The following NRCAM variants were observed in gnomAD, a reference collection of about 807,000 sequenced individuals.
The protein encoded by NRCAM is NgCAM-related cell adhesion molecule.
A neutral mutation model predicts 156.5 loss-of-function variants in NRCAM; 83 were observed. The ratio of observed to expected loss-of-function variants is 0.53; its 90% CI spans 0.44 to 0.64. NRCAM has a LOEUF of 0.64. NRCAM is among the 30% of genes least tolerant of loss of function. NRCAM has a pLI of 0.00. For synonymous variants in NRCAM, 538 were observed against 563.9 expected, an observed-to-expected ratio of 0.95 and a Z score of 0.65; for missense variants, 1,417 against 1,597.3, an observed-to-expected ratio of 0.89 and a Z score of 1.92.
intron 2 of NRCAM, among the ~76,000 whole-genome samples, chr7:108,357,836 C>T (rs562708643): frequency 3.9e-5 from 6 of 152,078 alleles, no homozygotes; most frequent in Non-Finnish European, 8.8e-5. Context: ...TTGGGTTTTC[C>T]CCTCCATCTG....
intron 2 of NRCAM, among the ~76,000 whole-genome samples, chr7:108,358,885 G>A (rs952046376): frequency 1.3e-5 from 2 of 152,206 alleles, no homozygotes; most frequent in African/African-American, 2.4e-5. Context: ...AAGGGCTGTA[G>A]CAGGGGAAAT....
chr7:108,291,538 A>G (rs2098289868), intron 3 of NRCAM, among the ~76,000 whole-genome samples: 1 of 152,192 alleles, frequency 6.6e-6, no homozygotes, highest in Admixed American at 6.5e-5. Context: ...AGGACTGGCT[A>G]ACGATAGTTA....
At chr7:108,209,398 A>C in intron 12 of NRCAM, 23 bp downstream of exon 12, 1 of 1,509,508 alleles carries the variant, frequency 6.6e-7, no homozygotes, top group Non-Finnish European at 8.9e-7. Context: ...GAAGGCAAGA[A>C]GAATGGATTT....
intron 3 of NRCAM, among the ~76,000 whole-genome samples, chr7:108,296,965 T>C (rs999186965): frequency 6.6e-6 from 1 of 152,198 alleles, no homozygotes; most frequent in African/African-American, 2.4e-5. Context: ...AAGAGGGTAC[T>C]AGGCAAAAAA....
At chr7:108,304,836 C>G (rs1040300271) in intron 3 of NRCAM, among the ~76,000 whole-genome samples, 1 of 152,028 alleles carries the variant, frequency 6.6e-6, no homozygotes, top group African/African-American at 2.4e-5. Context: ...CTTTCCATAC[C>G]CTAGATATTG....
chr7:108,309,897 T>A (rs1267991889), intron 3 of NRCAM, among the ~76,000 whole-genome samples: 1 of 152,164 alleles, frequency 6.6e-6, no homozygotes, highest in Non-Finnish European at 1.5e-5. Context: ...ATTAAAATTG[T>A]ATAACTATTA....
chr7:108,203,528 CCTT>C (rs1423938136), intron 13 of NRCAM, among the ~76,000 whole-genome samples: 2 of 151,908 alleles, frequency 1.3e-5, no homozygotes, highest in Non-Finnish European at 2.9e-5. Context: ...CTAAAAGAAC[CCTT>C]CTTACCATTC....
Position 108,189,708 on chromosome 7 carries a change from G to T in NRCAM, c.1972C>A (p.Gln658Lys). 1.3e-6 allele frequency: 2 copies of T among 1,553,632 alleles called. No individual in the cohort carries two copies. The highest frequency in any genetic ancestry group is 1.8e-6 in the Non-Finnish European group (2 of 1,127,016). ...NPPFDLELTD[Q>K]LDKSVQLSWT... ...GACAGCTGAACACTTTTGTCAAGTT[G>T]ATCTGTCAGTTCTAAGTCAAAGGGA... The change falls in exon 20 of 33, where the codon CAA becomes AAA. Residue 658 changes from glutamine (Q) to lysine (K), a missense_variant. Physicochemically the swap from Gln to Lys is moderately conservative, Grantham distance 53. This residue lies in a region of NRCAM where 1,238 missense variants were observed against 1,336.4 expected (regional missense o/e 0.93). Transcript: ENST00000379028.
At chr7:108,180,026 C>T (rs1369906824) in intron 25 of NRCAM, among the ~76,000 whole-genome samples, 197 bp downstream of exon 25, 1 of 152,184 alleles carries the variant, frequency 6.6e-6, no homozygotes, top group African/African-American at 2.4e-5. Flanking sequence ...ATTTTGGGTT[C>T]TGAAGCCTTC....
Position 108,414,081 on chromosome 7 carries a change from A to G in NRCAM, c.-331-14488T>C, listed in dbSNP as rs1220572970. On this transcript the variant is annotated intron_variant, in intron 1 of 32. Coordinates refer to ENST00000379028, the MANE Select transcript of NRCAM (RefSeq NM_001037132.4). Reference sequence around the variant, plus strand: ...GTGGGGTATAGGATCTGGCTTTCCCAGAGGCTGATCAGAGGGTCATGGTAA... The same window carrying G: ...GTGGGGTATAGGATCTGGCTTTCCCGGAGGCTGATCAGAGGGTCATGGTAA... 9.9e-5 allele frequency among the ~76,000 whole-genome samples: 15 copies of G among 152,222 alleles called. No homozygotes were observed. In the East Asian group the frequency reaches 2.7e-3, roughly 27 times the overall value.
chr7:108,400,230 G>A (rs748079205), intron 1 of NRCAM, among the ~76,000 whole-genome samples: 2 of 152,204 alleles, frequency 1.3e-5, no homozygotes, highest in Non-Finnish European at 2.9e-5. Flanking sequence ...ACTAACAGGT[G>A]TGCTTGAATA....
At position 108,194,132 on chromosome 7, in the gene NRCAM, A is replaced by T. The variant is rs770070979; in HGVS notation, c.1670T>A (p.Val557Glu). 1.1e-5 allele frequency: 18 copies of T among 1,614,104 alleles called. No individual in the cohort carries two copies. The highest frequency in any genetic ancestry group is 1.3e-5 in the Non-Finnish European group (15 of 1,179,938). Residue 557 changes from valine to glutamate, a missense_variant, in exon 17 of 33, where the codon GTG becomes GAG. Physicochemically the swap from Val to Glu is moderately radical, Grantham distance 121 (BLOSUM62 -2). Coordinates refer to ENST00000379028, the MANE Select transcript of NRCAM (RefSeq NM_001037132.4). ...AAAGGACACCATGCTCCCTCTTTGCACAACTGCATATTCGGGCTGTTTAAC... is the reference window on the plus strand; with the variant it reads ...AAAGGACACCATGCTCCCTCTTTGCTCAACTGCATATTCGGGCTGTTTAAC... The part of the protein sequence containing the change: ...WIVKQPEYAV[V>E]QRGSMVSFEC...
At chr7:108,210,084 T>C (rs931021637) in intron 11 of NRCAM, among the ~76,000 whole-genome samples, 5 of 152,126 alleles carry the variant, frequency 3.3e-5, no homozygotes, top group African/African-American at 1.2e-4. Context: ...AATGGAATAA[T>C]TTTCCTATTT....
intron 2 of NRCAM, among the ~76,000 whole-genome samples, chr7:108,362,413 T>C (rs1294823133): frequency 6.6e-6 from 1 of 152,154 alleles, no homozygotes. Context: ...ACCATAACAA[T>C]GGGTGAATGG....
chr7:108,160,364 G>C lies in NRCAM; in HGVS notation c.3595C>G (p.Pro1199Ala). 1.2e-6 allele frequency: 2 copies of C among 1,612,350 alleles called. No homozygotes were observed. The highest frequency in any genetic ancestry group is 2.2e-5 in the South Asian group (2 of 90,880). The change falls in exon 31 of 33, where the codon CCA becomes GCA. Residue 1199 changes from proline to alanine, a missense_variant. Physicochemically the swap from Pro to Ala is conservative, Grantham distance 27. Around this residue, in one of 2 missense-constraint regions of NRCAM, gnomAD observed 179 missense variants for 260.9 expected, o/e 0.69. Coordinates refer to ENST00000379028, the MANE Select transcript of NRCAM (RefSeq NM_001037132.4). The stretch of plus-strand genomic sequence containing the variant: ...AATTTTAATCTTTCTTTCTTACCTG[G>C]ATATTTACCACCCTTGTTTCTTCTG... ...FIRRNKGGKY[P>A]VKEKEDAHAD...
At chr7:108,397,348 A>C (rs1374485467) in intron 2 of NRCAM, among the ~76,000 whole-genome samples, 1 of 152,236 alleles carries the variant, frequency 6.6e-6, no homozygotes, top group African/African-American at 2.4e-5. Context: ...CAGTAAGCTA[A>C]TTAAGATCAC....
chr7:108,271,229 A>C (rs1485216331), intron 3 of NRCAM, among the ~76,000 whole-genome samples: 1 of 152,222 alleles, frequency 6.6e-6, no homozygotes, highest in Non-Finnish European at 1.5e-5. Context: ...GTAACATAAA[A>C]CATATACTTA....
At chr7:108,305,246 T>C (rs1217782592) in intron 3 of NRCAM, among the ~76,000 whole-genome samples, 1 of 152,234 alleles carries the variant, frequency 6.6e-6, no homozygotes, top group Non-Finnish European at 1.5e-5. Flanking sequence ...AAGACTGTTT[T>C]TGCATTAAAG....
At chr7:108,302,100 T>C (rs1036817270) in intron 3 of NRCAM, among the ~76,000 whole-genome samples, 1 of 151,788 alleles carries the variant, frequency 6.6e-6, no homozygotes, top group African/African-American at 2.4e-5. Context: ...AATGCAGCTC[T>C]TTCCCCTTAT....
Sources: gnomAD v4.1 joint callset for allele counts (sites outside exome capture counted in the v4.1 genomes callset) on GRCh38, gnomAD v4.1.1 for gene constraint, gnomAD v4.1.1 regional missense constraint, MANE v1.5 for transcripts, NCBI Gene and HGNC (gene_info 2026-07-23, HGNC 2026-07-21) for gene names.